Variants in CREB5 observed in about 807,000 individuals in gnomAD.
CREB5 encodes the protein cyclic AMP-responsive element-binding protein 5.
A neutral mutation model predicts 57.1 loss-of-function variants in CREB5; 19 were observed. The ratio of observed to expected loss-of-function variants is 0.33; its 90% CI spans 0.23 to 0.49. The LOEUF is 0.49. Among genes scored for constraint, CREB5 ranks in the 20% least tolerant of loss-of-function variants. The pLI is 0.99. For synonymous variants in CREB5, 238 were observed against 238.3 expected, an observed-to-expected ratio of 1.00 and a Z score of 0.01; for missense variants, 579 against 671.6, an observed-to-expected ratio of 0.86 and a Z score of 1.52.
chr7:28,504,937 G>T (rs1410555435), intron 3 of CREB5, among the ~76,000 whole-genome samples: 1 of 152,096 alleles, frequency 6.6e-6, no homozygotes, highest in African/African-American at 2.4e-5. Flanking sequence ...TCTTTTCATG[G>T]AATCACTACC....
intron 5 of CREB5, among the ~76,000 whole-genome samples, chr7:28,611,851 A>T (rs1281336779): frequency 6.6e-6 from 1 of 152,132 alleles, no homozygotes; most frequent in South Asian, 2.1e-4. Context: ...GCCAAATCTC[A>T]TAGAACTGTA....
At chr7:28,475,606 A>G (rs1791038723) in intron 1 of CREB5, among the ~76,000 whole-genome samples, 1 of 151,998 alleles carries the variant, frequency 6.6e-6, no homozygotes, top group South Asian at 2.1e-4. Flanking sequence ...GAGAGTGGGT[A>G]TAAAGAGGGT....
intron 4 of CREB5, among the ~76,000 whole-genome samples, chr7:28,545,025 G>A (rs1794362324): frequency 6.6e-6 from 1 of 152,158 alleles, no homozygotes; most frequent in African/African-American, 2.4e-5. Context: ...GGTAGGAAGA[G>A]GCAGATAAGG....
intron 5 of CREB5, among the ~76,000 whole-genome samples, chr7:28,690,042 A>G (rs1276061149): frequency 1.3e-5 from 2 of 152,032 alleles, no homozygotes; most frequent in Non-Finnish European, 2.9e-5. Flanking sequence ...CTAGCTCACC[A>G]TCACCAACAA....
rs375983918 is a variant in CREB5 at position 28,312,395 on chromosome 7, A to G, written c.-25+12954A>G. Among the ~76,000 whole-genome samples, 5 of 152,240 alleles carry G rather than the reference A, an allele frequency of 3.3e-5. No homozygotes were observed. The East Asian group carries it at 7.7e-4, about 24-fold the overall frequency. ...GGATTTCACAGAGGGGGAGGCACAG[A>G]GTGGTGGAGCTGCAAGGAATGCTGG... On this transcript the variant is annotated intron_variant, in intron 1 of 9. Transcript: ENST00000396299.
chr7:28,366,600 C>T (rs892710862), intron 1 of CREB5, among the ~76,000 whole-genome samples: 1 of 152,182 alleles, frequency 6.6e-6, no homozygotes, highest in African/African-American at 2.4e-5. Context: ...TTGAGTTATA[C>T]ATCCAAAATC....
At chr7:28,343,524 A>T (rs1288413893) in intron 1 of CREB5, among the ~76,000 whole-genome samples, 1 of 152,226 alleles carries the variant, frequency 6.6e-6, no homozygotes. Context: ...TGCAAATGAC[A>T]AGATTTCATT....
intron 1 of CREB5, among the ~76,000 whole-genome samples, chr7:28,461,192 T>A (rs1790337996): frequency 6.6e-6 from 1 of 150,434 alleles, no homozygotes; most frequent in East Asian, 2.0e-4. Context: ...ATGGCGCCAC[T>A]GCATTCCAGC....
chr7:28,775,201 A>T (rs1806549778), intron 7 of CREB5, among the ~76,000 whole-genome samples: 1 of 151,994 alleles, frequency 6.6e-6, no homozygotes, highest in Non-Finnish European at 1.5e-5. Flanking sequence ...ATTTTCGTAC[A>T]CTATTCCCGT....
intron 5 of CREB5, among the ~76,000 whole-genome samples, chr7:28,701,413 G>A (rs182210501): frequency 6.6e-6 from 1 of 152,156 alleles, no homozygotes; most frequent in Non-Finnish European, 1.5e-5. Flanking sequence ...ATTTTAATAA[G>A]ATTTATTCTG....
chr7:28,478,893 T>A (rs1449055353), intron 1 of CREB5, among the ~76,000 whole-genome samples: 2 of 152,232 alleles, frequency 1.3e-5, no homozygotes, highest in African/African-American at 4.8e-5. Context: ...TTAGCTTAAA[T>A]GTTGGCAACA....
At chr7:28,323,289 C>T (rs758446310) in intron 1 of CREB5, among the ~76,000 whole-genome samples, 1 of 152,218 alleles carries the variant, frequency 6.6e-6, no homozygotes, top group Non-Finnish European at 1.5e-5. Context: ...CCTCAAATCT[C>T]AAATGGACAT....
At chr7:28,718,706 G>A in intron 5 of CREB5, 47 bp from the exon 6 acceptor site, 4 of 1,606,064 alleles carry the variant, frequency 2.5e-6, no homozygotes, top group Non-Finnish European at 3.4e-6. Flanking sequence ...GGGAGACAGG[G>A]CCAGGGCACC....
At chr7:28,602,305 A>G (rs994035715) in intron 5 of CREB5, among the ~76,000 whole-genome samples, 1 of 152,002 alleles carries the variant, frequency 6.6e-6, no homozygotes, top group Non-Finnish European at 1.5e-5. Flanking sequence ...TTTTGTACTT[A>G]TAGTAGAGCC....
intron 1 of CREB5, among the ~76,000 whole-genome samples, chr7:28,373,157 A>G (rs1044360006): frequency 3.9e-5 from 6 of 152,174 alleles, no homozygotes; most frequent in African/African-American, 1.2e-4. Flanking sequence ...ATCCCCTCTC[A>G]TGGAGTAAAT....
At chr7:28,457,515 A>C (rs1222312948) in intron 1 of CREB5, among the ~76,000 whole-genome samples, 5 of 152,182 alleles carry the variant, frequency 3.3e-5, no homozygotes, top group Non-Finnish European at 7.3e-5. Flanking sequence ...ACACTTAAAA[A>C]AATTTTTTTT....
At chr7:28,668,514 T>C (rs948976773) in intron 5 of CREB5, among the ~76,000 whole-genome samples, 1 of 152,162 alleles carries the variant, frequency 6.6e-6, no homozygotes, top group Non-Finnish European at 1.5e-5. Context: ...CTATGGCCAA[T>C]GAAATATATG....
chr7:28,467,048 C>T (rs114299852), intron 1 of CREB5, among the ~76,000 whole-genome samples: 2,648 of 152,250 alleles, frequency 0.017, 77 homozygotes, highest in African/African-American at 0.061. Context: ...AGGGGAGGGC[C>T]GTAGCTGTGG....
chr7:28,403,730 T>A (rs1787522433), intron 1 of CREB5, among the ~76,000 whole-genome samples: 1 of 152,204 alleles, frequency 6.6e-6, no homozygotes, highest in African/African-American at 2.4e-5. Flanking sequence ...ACCTGACACA[T>A]AATTTTTGAA....
Sources: gnomAD v4.1 joint callset for allele counts (sites outside exome capture counted in the v4.1 genomes callset) on GRCh38, gnomAD v4.1.1 for gene constraint, MANE v1.5 for transcripts, NCBI Gene and HGNC (gene_info 2026-07-23, HGNC 2026-07-21) for gene names.